The following PCCA variants were observed in gnomAD, a reference collection of about 807,000 sequenced individuals.
PCCA encodes the protein propionyl-CoA carboxylase subunit alpha.
In PCCA, 74 loss-of-function variants were observed where a neutral mutation model predicts 101.3. The ratio of observed to expected loss-of-function variants is 0.73; its 90% CI spans 0.61 to 0.89. The LOEUF is 0.89. PCCA is among the 40% of genes least tolerant of loss of function. PCCA has a pLI of 0.00. For synonymous variants in PCCA, 294 were observed against 313.6 expected (o/e 0.94, Z 0.66); for missense variants, 891 against 907.0 (o/e 0.98, Z 0.23).
At chr13:100,298,743 C>G (rs976969380) in intron 12 of PCCA, among the ~76,000 whole-genome samples, 1 of 128,372 alleles carries the variant, frequency 7.8e-6, no homozygotes, top group Non-Finnish European at 1.6e-5. Flanking sequence ...TCCTTCCTTC[C>G]GTCCTTCCTT....
intron 10 of PCCA, among the ~76,000 whole-genome samples, chr13:100,264,856 T>G (rs2062826231): frequency 6.6e-6 from 1 of 152,196 alleles, no homozygotes. Context: ...GTGTGATATT[T>G]TCAATTTTTG....
chr13:100,436,200 T>C (rs2079922153), intron 20 of PCCA, among the ~76,000 whole-genome samples: 1 of 152,184 alleles, frequency 6.6e-6, no homozygotes. Flanking sequence ...ACTCACCTCA[T>C]GTAAATGAAG....
intron 20 of PCCA, among the ~76,000 whole-genome samples, chr13:100,439,512 T>TTTTTA (rs1449759774): frequency 1.3e-5 from 2 of 152,120 alleles, no homozygotes; most frequent in African/African-American, 2.4e-5. Flanking sequence ...GAATAGAAGT[T>TTTTTA]TTTTATTTTA....
intron 18 of PCCA, among the ~76,000 whole-genome samples, chr13:100,347,789 A>G (rs866006723): frequency 2.6e-5 from 4 of 152,176 alleles, no homozygotes; most frequent in African/African-American, 4.8e-5. Context: ...TTGCACATTT[A>G]TTTTCTATAC....
At chr13:100,477,722 A>G (rs945211210) in intron 21 of PCCA, among the ~76,000 whole-genome samples, 2 of 152,210 alleles carry the variant, frequency 1.3e-5, no homozygotes, top group African/African-American at 4.8e-5. Flanking sequence ...CTATAAACAA[A>G]TAAAATGATG....
At position 100,340,229 on chromosome 13, in the gene PCCA, T is replaced by C; in HGVS notation, c.1613T>C (p.Leu538Ser). The C allele has an allele frequency of 1.2e-6, 2 of 1,604,872 alleles. No homozygotes were observed. Among genetic ancestry groups the C allele is most frequent in the Non-Finnish European group, 1.7e-6 (2 of 1,171,594 alleles). The change falls in exon 18 of 24, where the codon TTA becomes TCA. Residue 538 changes from leucine (L) to serine (S), a missense_variant. Leu to Ser is a moderately radical substitution (Grantham distance 145, BLOSUM62 -2). Coordinates refer to ENST00000376285, the MANE Select transcript of PCCA (RefSeq NM_000282.4). ...TCATCATTGTTTGTGGCATTCCAGTTAAGAGCACAACATTTTCAAGAAAAT... is the reference window on the plus strand; with the variant it reads ...TCATCATTGTTTGTGGCATTCCAGTCAAGAGCACAACATTTTCAAGAAAAT... ...IASSLFVAFQ[L>S]RAQHFQENSR...
intron 7 of PCCA, among the ~76,000 whole-genome samples, chr13:100,220,654 A>G (rs1414755612): frequency 1.3e-5 from 2 of 152,064 alleles, no homozygotes; most frequent in African/African-American, 2.4e-5. Flanking sequence ...CCCCTTTCTA[A>G]TAGGTCTTCC....
intron 16 of PCCA, among the ~76,000 whole-genome samples, chr13:100,319,999 T>C (rs938933364): frequency 3.3e-5 from 5 of 152,168 alleles, no homozygotes; most frequent in Non-Finnish European, 5.9e-5. Context: ...TCTTTTATTT[T>C]GTTGAGCAGT....
chr13:100,486,674 A>G (rs2084399564), intron 21 of PCCA, among the ~76,000 whole-genome samples: 1 of 152,206 alleles, frequency 6.6e-6, no homozygotes, highest in Non-Finnish European at 1.5e-5. Context: ...GCACTTTGGG[A>G]GGCCAAGGCA....
chr13:100,389,145 G>A (rs915661620), intron 19 of PCCA, among the ~76,000 whole-genome samples: 1 of 152,148 alleles, frequency 6.6e-6, no homozygotes, highest in Admixed American at 6.5e-5. Context: ...GGGAGGGCAG[G>A]TGCTGTGGTG....
Position 100,295,115 on chromosome 13 carries a change from AT to A in PCCA, c.1066-6341del, listed in dbSNP as rs1252532094. On this transcript the variant is annotated intron_variant, in intron 12 of 23. Transcript: ENST00000376285. ...CAAAATCTAATAACCTTAGATCTTT[AT>A]TTTGAAATCCTGTATTCTCAGGAGG... 3.3e-5 allele frequency among the ~76,000 whole-genome samples: 5 copies of A among 152,266 alleles called. No individual in the cohort carries two copies. In the East Asian group the frequency reaches 9.7e-4, roughly 29 times the overall value.
chr13:100,151,590 CA>C (rs368443318), intron 4 of PCCA, among the ~76,000 whole-genome samples: 4 of 139,316 alleles, frequency 2.9e-5, no homozygotes, highest in Admixed American at 7.3e-5. Context: ...AACTCTGTCT[CA>C]AAAAAAAAAC....
At chr13:100,488,739 G>A (rs937386435) in intron 21 of PCCA, among the ~76,000 whole-genome samples, 12 of 150,516 alleles carry the variant, frequency 8.0e-5, no homozygotes, top group African/African-American at 2.9e-4. Context: ...CCAGGAGTTT[G>A]AGCCTGCAGT....
intron 17 of PCCA, among the ~76,000 whole-genome samples, chr13:100,331,127 C>G (rs1422940489): frequency 2.6e-5 from 4 of 152,050 alleles, no homozygotes. Flanking sequence ...TGATTTTATT[C>G]TGAAAAATGA....
At chr13:100,102,373 A>C (rs1221403636) in intron 1 of PCCA, among the ~76,000 whole-genome samples, 1 of 152,234 alleles carries the variant, frequency 6.6e-6, no homozygotes, top group Non-Finnish European at 1.5e-5. Context: ...ATGAATGAGA[A>C]ATATCCTTGA....
intron 1 of PCCA, among the ~76,000 whole-genome samples, chr13:100,099,087 G>A (rs1043106690): frequency 2.0e-5 from 3 of 152,004 alleles, no homozygotes; most frequent in South Asian, 2.1e-4. Context: ...CCAGTTTTGA[G>A]GATAGTTTCT....
chr13:100,196,547 A>G (rs2058115430), intron 6 of PCCA, among the ~76,000 whole-genome samples: 1 of 152,208 alleles, frequency 6.6e-6, no homozygotes, highest in Admixed American at 6.5e-5. Flanking sequence ...ACTTCAGTGC[A>G]TTGTGCCAGT....
intron 18 of PCCA, among the ~76,000 whole-genome samples, chr13:100,356,722 C>T (rs1012149534): frequency 1.3e-5 from 2 of 151,928 alleles, no homozygotes; most frequent in African/African-American, 4.8e-5. Flanking sequence ...GGTATATACC[C>T]AAGGGAAATG....
intron 14 of PCCA, among the ~76,000 whole-genome samples, chr13:100,305,550 A>G (rs1207241134): frequency 2.0e-5 from 3 of 152,216 alleles, no homozygotes; most frequent in African/African-American, 4.8e-5. Flanking sequence ...ATTAGCAAGC[A>G]TGCTGTGGTT....
Sources: allele counts gnomAD v4.1 joint callset (sites outside exome capture counted in the v4.1 genomes callset), GRCh38; gene constraint gnomAD v4.1.1; transcripts MANE v1.5; gene names NCBI Gene and HGNC (gene_info 2026-07-23, HGNC 2026-07-21).